The following MYO10 variants were observed in gnomAD, a reference collection of about 807,000 sequenced individuals.
MYO10 encodes unconventional myosin-X.
In MYO10, 133 loss-of-function variants were observed where a neutral mutation model predicts 257.3. The observed-to-expected ratio is 0.52, with a 90% CI of 0.45 to 0.60. The LOEUF is 0.60. MYO10 is among the 20% of genes least tolerant of loss of function. The pLI is 0.00. For synonymous variants in MYO10, 1,104 were observed against 1,028.6 expected, an observed-to-expected ratio of 1.07 and a Z score of -1.40; for missense variants, 2,399 against 2,635.7, an observed-to-expected ratio of 0.91 and a Z score of 1.97.
In MYO10 at chr5:16,779,544, C is replaced by A; in HGVS notation, c.930+1G>T. ...AGGGAAAACATTTAAAAGTAACTTA[C>A]AATAACTTCCCTAAAGGATTCCTGG... On this transcript the variant is annotated splice_donor_variant, in intron 9 of 40. Transcript: ENST00000513610. LOFTEE classifies it high-confidence loss of function. The A allele has an allele frequency of 6.5e-7, 1 of 1,536,408 alleles. No homozygotes were observed. The highest frequency in any genetic ancestry group is 8.8e-7 in the Non-Finnish European group (1 of 1,135,092).
chr5:16,878,296 C>G (rs1032356584), intron 1 of MYO10, among the ~76,000 whole-genome samples: 2 of 152,168 alleles, frequency 1.3e-5, no homozygotes, highest in African/African-American at 4.8e-5. Context: ...ACTGGACTCT[C>G]CAAAAGAGGA....
rs972722814 is a variant in MYO10, at chr5:16,866,160, T to C, written c.120+11449A>G. 1.1e-4 allele frequency among the ~76,000 whole-genome samples: 16 copies of C among 151,946 alleles called. 1 individual carries two copies. The highest frequency in any genetic ancestry group is 3.9e-4 in the African/African-American group (16 of 41,354). On this transcript the variant is annotated intron_variant, in intron 2 of 40. Coordinates refer to ENST00000513610, the MANE Select transcript of MYO10 (RefSeq NM_012334.3). ...GGGTATTTGCCGAAGAAACTAGTAATAGCAAATCCTTCAGACACCCAGCAG... is the reference window on the plus strand; with the variant it reads ...GGGTATTTGCCGAAGAAACTAGTAACAGCAAATCCTTCAGACACCCAGCAG...
intron 18 of MYO10, among the ~76,000 whole-genome samples, chr5:16,756,840 T>C (rs1740541321): frequency 6.6e-6 from 1 of 152,008 alleles, no homozygotes; most frequent in South Asian, 2.1e-4. Context: ...GTGGCTCACG[T>C]CTGTAATTCC....
At chr5:16,778,125 C>G (rs1292229181) in intron 9 of MYO10, among the ~76,000 whole-genome samples, 1 of 152,008 alleles carries the variant, frequency 6.6e-6, no homozygotes, top group Non-Finnish European at 1.5e-5. Flanking sequence ...GCTGGGATTA[C>G]AGGCATGAGC....
chr5:16,913,456 T>A (rs1440531880), intron 1 of MYO10, among the ~76,000 whole-genome samples: 1 of 152,200 alleles, frequency 6.6e-6, no homozygotes, highest in Non-Finnish European at 1.5e-5. Flanking sequence ...CAAGACTGAA[T>A]GATTAATTTT....
At chr5:16,730,921 G>C (rs772273211) in intron 19 of MYO10, among the ~76,000 whole-genome samples, 1 of 152,178 alleles carries the variant, frequency 6.6e-6, no homozygotes, top group Non-Finnish European at 1.5e-5. Flanking sequence ...TGAGGTCGTG[G>C]GCTGTCATGG....
chr5:16,760,843 A>G (rs1740688775), intron 17 of MYO10, among the ~76,000 whole-genome samples: 1 of 152,124 alleles, frequency 6.6e-6, no homozygotes, highest in Non-Finnish European at 1.5e-5. Flanking sequence ...GTCACTTAAC[A>G]GCTTTAACTG....
intron 1 of MYO10, among the ~76,000 whole-genome samples, chr5:16,902,860 G>A (rs1441689982): frequency 6.6e-6 from 1 of 152,170 alleles, no homozygotes; most frequent in Non-Finnish European, 1.5e-5. Flanking sequence ...AATTTCAAAT[G>A]CATTTATTCA....
At chr5:16,818,677 A>T (rs1191098860) in intron 2 of MYO10, among the ~76,000 whole-genome samples, 1 of 151,594 alleles carries the variant, frequency 6.6e-6, no homozygotes, top group East Asian at 1.9e-4. Flanking sequence ...GGCTCAAGCA[A>T]TCCACCTGTC....
intron 39 of MYO10, among the ~76,000 whole-genome samples, chr5:16,669,222 C>CT (rs11292604): frequency 2.3e-4 from 35 of 149,074 alleles, no homozygotes; most frequent in African/African-American, 7.1e-4. Flanking sequence ...TTTCTTTTTT[C>CT]TTTTTTTTTT....
chr5:16,866,324 T>C (rs184580848), intron 2 of MYO10, among the ~76,000 whole-genome samples: 1 of 152,320 alleles, frequency 6.6e-6, no homozygotes, highest in Admixed American at 6.5e-5. Context: ...AAAACATTTG[T>C]ATTTTGTTGA....
intron 2 of MYO10, among the ~76,000 whole-genome samples, chr5:16,822,299 GA>G (rs1212508490): frequency 6.6e-6 from 1 of 152,054 alleles, no homozygotes; most frequent in Non-Finnish European, 1.5e-5. Flanking sequence ...TAATTCCTAT[GA>G]GGAAAAAATT....
At chr5:16,791,680 A>G (rs76292825) in intron 4 of MYO10, among the ~76,000 whole-genome samples, 1,681 of 152,320 alleles carry the variant, frequency 0.011, 45 homozygotes, top group East Asian at 0.11. Flanking sequence ...AAATACAAGC[A>G]ATTATCAATG....
At chr5:16,903,159 G>A (rs531299167) in intron 1 of MYO10, among the ~76,000 whole-genome samples, 1 of 152,248 alleles carries the variant, frequency 6.6e-6, no homozygotes, top group Non-Finnish European at 1.5e-5. Context: ...TGTAATCCCA[G>A]CACTTGGGAG....
chr5:16,799,426 T>C (rs1182966600), intron 3 of MYO10, among the ~76,000 whole-genome samples: 1 of 152,114 alleles, frequency 6.6e-6, no homozygotes, highest in East Asian at 1.9e-4. Context: ...AGAGACAACA[T>C]ATGCAACCCA....
In MYO10 at chr5:16,889,434, G is replaced by GAAGGA. The variant is rs959555314; in HGVS notation, c.22-11732_22-11728dup. ...AGACAGAAAGACTGACAGAAAGAAGGAAGGAAAGGAAAGGAAAGAAGGAAG... is the reference window on the plus strand; with the variant it reads ...AGACAGAAAGACTGACAGAAAGAAGGAAGGAAAGGAAAGGAAAGGAAAGAAGGAAG... On this transcript the variant is annotated intron_variant, in intron 1 of 40. Transcript: ENST00000513610. Among the ~76,000 whole-genome samples, 658 of 150,604 alleles carry GAAGGA rather than the reference G, an allele frequency of 4.4e-3. 13 individuals are homozygous for GAAGGA. The highest frequency in any genetic ancestry group is 0.015 in the African/African-American group (630 of 40,832).
intron 8 of MYO10, among the ~76,000 whole-genome samples, chr5:16,780,135 C>G (rs567373530): frequency 1.4e-3 from 212 of 152,174 alleles, no homozygotes; most frequent in African/African-American, 4.9e-3. Flanking sequence ...CTCCTGATCT[C>G]CAGTGATCCG....
At chr5:16,789,219 G>C (rs1030196937) in intron 4 of MYO10, among the ~76,000 whole-genome samples, 6 of 152,224 alleles carry the variant, frequency 3.9e-5, no homozygotes, top group African/African-American at 1.4e-4. Context: ...CACACTACAA[G>C]GGCAGAGTTG....
At chr5:16,677,655 C>T (rs1736798178) in intron 33 of MYO10, among the ~76,000 whole-genome samples, 1 of 151,938 alleles carries the variant, frequency 6.6e-6, no homozygotes, top group Non-Finnish European at 1.5e-5. Flanking sequence ...GATTTCGTGA[C>T]CCGCCTGCCT....
Sources: allele counts gnomAD v4.1 joint callset (sites outside exome capture counted in the v4.1 genomes callset), GRCh38; gene constraint gnomAD v4.1.1; transcripts MANE v1.5; gene names NCBI Gene and HGNC (gene_info 2026-07-23, HGNC 2026-07-21).